Variants in MCPH1 observed in about 807,000 individuals in gnomAD.
The protein encoded by MCPH1 is microcephalin 1.
Under a neutral mutation model 84.5 loss-of-function variants are expected in MCPH1, and 104 were observed. The ratio of observed to expected loss-of-function variants is 1.23; its 90% CI spans 1.05 to 1.45. MCPH1 has a LOEUF of 1.45. Among genes scored for constraint, MCPH1 ranks in the 40% most tolerant of loss-of-function variants. The probability of loss-of-function intolerance (pLI) is 0.00; values close to 1 mark genes in which losing one functional copy is unlikely to be tolerated. For missense variants in MCPH1, 1,498 were observed against 1,005.7 expected, an observed-to-expected ratio of 1.49 and a Z score of -6.62; for synonymous variants, 514 against 366.8, an observed-to-expected ratio of 1.40 and a Z score of -4.58.
intron 12 of MCPH1, among the ~76,000 whole-genome samples, chr8:6,579,070 T>C (rs1387850431): frequency 6.6e-6 from 1 of 152,184 alleles, no homozygotes; most frequent in Non-Finnish European, 1.5e-5. Context: ...CTTCCCGATA[T>C]TGAGAACTGC....
chr8:6,505,371 T>C (rs1420092166), intron 12 of MCPH1, among the ~76,000 whole-genome samples: 3 of 55,222 alleles, frequency 5.4e-5, no homozygotes, highest in Non-Finnish European at 8.4e-5. Context: ...GTATATAGAA[T>C]ATATATATTC....
intron 13 of MCPH1, chr8:6,626,887 TCTCAGGCGCC>T: frequency 1.0e-6 from 1 of 985,160 alleles, no homozygotes; most frequent in Non-Finnish European, 1.2e-6. Flanking sequence ...GTATTTCCAC[TCTCAGGCGCC>T]CTTTTATTGT....
chr8:6,410,832 G>C (rs1476132161), intron 2 of MCPH1, among the ~76,000 whole-genome samples: 2 of 152,136 alleles, frequency 1.3e-5, no homozygotes, highest in Non-Finnish European at 2.9e-5. Context: ...TGCATGTTTA[G>C]AAAACAGGCA....
chr8:6,595,767 C>T (rs541719190), intron 12 of MCPH1, among the ~76,000 whole-genome samples: 1 of 152,254 alleles, frequency 6.6e-6, no homozygotes, highest in South Asian at 2.1e-4. Context: ...ATTCCGGCTG[C>T]TGCACAGGGA....
At chr8:6,438,733 C>G (rs969815927) in intron 5 of MCPH1, among the ~76,000 whole-genome samples, 30 of 152,134 alleles carry the variant, frequency 2.0e-4, no homozygotes, top group Admixed American at 6.6e-5. Context: ...TAGCACAGTG[C>G]TTGGTGAGGG....
At chr8:6,615,453 G>A (rs1830698615) in intron 12 of MCPH1, among the ~76,000 whole-genome samples, 1 of 152,216 alleles carries the variant, frequency 6.6e-6, no homozygotes, top group Non-Finnish European at 1.5e-5. Context: ...AGGTACTTCT[G>A]CAGGGGGTGA....
intron 11 of MCPH1, 55 bp downstream of exon 11, chr8:6,480,931 G>C: frequency 6.3e-7 from 1 of 1,596,798 alleles, no homozygotes; most frequent in Non-Finnish European, 8.5e-7. Flanking sequence ...GATAGAGTGG[G>C]TCACCCTGAG....
rs1227041105 is a variant in MCPH1, at chr8:6,646,240, C to G, written c.*3191C>G. The G allele has an allele frequency of 6.6e-6, 1 of 152,120 alleles. No homozygotes were observed. Among genetic ancestry groups the G allele is most frequent in the African/African-American group, 2.4e-5 (1 of 41,424 alleles). The allele number at this position is 152,120 out of a possible 1,614,324, so 9.4% of individuals were successfully genotyped here. A position where few individuals can be genotyped will look rare whatever the true frequency, so the allele number is the denominator to read the frequency against. ...GGGAGTTTAAGACCAGCCTGGCCAA[C>G]TTGGTGAAACCTTGTCTCTACTAGA... On this transcript the variant is annotated 3_prime_UTR_variant, in exon 14 of 14. Coordinates refer to ENST00000344683, the MANE Select transcript of MCPH1 (RefSeq NM_024596.5).
At chr8:6,467,801 T>C (rs559485541) in intron 9 of MCPH1, among the ~76,000 whole-genome samples, 1 of 152,282 alleles carries the variant, frequency 6.6e-6, no homozygotes, top group Admixed American at 6.5e-5. Flanking sequence ...TTTGGCTGTG[T>C]TGACCAGGCT....
chr8:6,440,672 G>C (rs1230665257), intron 6 of MCPH1, among the ~76,000 whole-genome samples: 1 of 152,176 alleles, frequency 6.6e-6, no homozygotes, highest in Non-Finnish European at 1.5e-5. Context: ...TGAAAAACTG[G>C]ATCTGTTCTT....
rs182242987 is a variant in MCPH1 at position 6,473,892 on chromosome 8, C to T, written c.1936-3702C>T. 3.9e-6 allele frequency: 6 copies of T among 1,530,660 alleles called. No individual in the cohort carries two copies. In the Admixed American group the frequency reaches 1.2e-4, roughly 32 times the overall value. 94.8% of individuals were successfully genotyped at this position (1,530,660 alleles called of 1,614,324 possible). The stretch of plus-strand genomic sequence containing the variant: ...TGCTCAATCCATTTCAAGATCTGAT[C>T]TACATTATTTTCTAGCTCTTCTGGT... On this transcript the variant is annotated intron_variant, in intron 9 of 13. Transcript: ENST00000344683.
chr8:6,512,864 G>T (rs925656543), intron 12 of MCPH1, among the ~76,000 whole-genome samples: 2 of 152,212 alleles, frequency 1.3e-5, no homozygotes, highest in Non-Finnish European at 2.9e-5. Flanking sequence ...TTCCTGTAGA[G>T]GAGAGCAGAG....
intron 12 of MCPH1, among the ~76,000 whole-genome samples, chr8:6,580,057 G>C (rs543187697): frequency 6.6e-6 from 1 of 152,316 alleles, no homozygotes; most frequent in East Asian, 1.9e-4. Context: ...AGCTCTCATT[G>C]ACTCAGTCTG....
intron 10 of MCPH1, among the ~76,000 whole-genome samples, chr8:6,479,644 T>C (rs1225240940): frequency 1.3e-5 from 2 of 151,948 alleles, no homozygotes; most frequent in Non-Finnish European, 2.9e-5. Flanking sequence ...ACCATGTTGT[T>C]GTATATATCA....
At chr8:6,629,918 A>T (rs923513039) in intron 13 of MCPH1, among the ~76,000 whole-genome samples, 4 of 151,450 alleles carry the variant, frequency 2.6e-5, no homozygotes, top group Non-Finnish European at 5.9e-5. Context: ...CAAGTGGAAA[A>T]CTCTTTTTTG....
chr8:6,625,315 G>A (rs1831952883), intron 13 of MCPH1: 3 of 985,468 alleles, frequency 3.0e-6, no homozygotes, highest in Non-Finnish European at 3.6e-6. Flanking sequence ...GGCTTCTTAA[G>A]TGTGGCAGAT....
chr8:6,411,532 G>T (rs1383839828), intron 2 of MCPH1, among the ~76,000 whole-genome samples: 1 of 152,158 alleles, frequency 6.6e-6, no homozygotes, highest in East Asian at 1.9e-4. Context: ...TTAAGGAAAG[G>T]AAGAAAATTG....
At chr8:6,539,690 G>A (rs1464154403) in intron 12 of MCPH1, among the ~76,000 whole-genome samples, 1 of 152,094 alleles carries the variant, frequency 6.6e-6, no homozygotes, top group East Asian at 1.9e-4. Context: ...TGGTTCAAAC[G>A]ATTCTCCCGC....
intron 13 of MCPH1, among the ~76,000 whole-genome samples, chr8:6,629,810 G>C (rs13256011): frequency 6.6e-6 from 1 of 152,208 alleles, no homozygotes; most frequent in Admixed American, 6.5e-5. Flanking sequence ...CCAGAGTCAT[G>C]CAGTGAATTA....
Sources: allele counts gnomAD v4.1 joint callset (sites outside exome capture counted in the v4.1 genomes callset), GRCh38; gene constraint gnomAD v4.1.1; transcripts MANE v1.5; gene names NCBI Gene and HGNC (gene_info 2026-07-23, HGNC 2026-07-21).